The following CCDC50 variants were observed in gnomAD, a reference collection of about 807,000 sequenced individuals.
CCDC50 encodes the protein coiled-coil domain containing 50.
CCDC50 carries 54 observed loss-of-function variants against 70.2 expected under a neutral mutation model. The ratio of observed to expected loss-of-function variants is 0.77; its 90% CI spans 0.62 to 0.96. CCDC50 has a LOEUF of 0.96. CCDC50 is among the 50% of genes least tolerant of loss of function. The probability of loss-of-function intolerance (pLI) is 0.00; values close to 1 mark genes in which losing one functional copy is unlikely to be tolerated. For missense variants in CCDC50, 558 were observed against 578.7 expected (o/e 0.96, Z 0.37); for synonymous variants, 216 against 198.8 (o/e 1.09, Z -0.73).
At chr3:191,366,821 C>A (rs965065304) in intron 4 of CCDC50, among the ~76,000 whole-genome samples, 2 of 151,870 alleles carry the variant, frequency 1.3e-5, no homozygotes, top group Non-Finnish European at 2.9e-5. Flanking sequence ...AAGTGCTGTT[C>A]TAGACTTATC....
chr3:191,358,210 T>G (rs985745562), intron 3 of CCDC50, 86 bp downstream of exon 3: 1 of 1,503,108 alleles, frequency 6.7e-7, no homozygotes, highest in African/African-American at 1.4e-5. Flanking sequence ...AGGAGACTAC[T>G]TCTGTTCCTC....
Position 191,329,688 on chromosome 3 carries a change from G to T in CCDC50, c.14G>T (p.Ser5Ile). 6.2e-7 allele frequency: 1 copy of T among 1,610,436 alleles called. No individual in the cohort carries two copies. The change falls in exon 1 of 12, where the codon AGC (serine) becomes ATC (isoleucine). Residue 5 changes from serine (S) to isoleucine (I), a missense_variant. Ser to Ile is a moderately radical substitution (Grantham distance 142). Transcript: ENST00000392455. ...CCCTGGCCCGGTATGGCTGAAGTCAGCATCGACCAGTCCAAGCTGCCTGGA... is the reference window on the plus strand; with the variant it reads ...CCCTGGCCCGGTATGGCTGAAGTCATCATCGACCAGTCCAAGCTGCCTGGA... MAEV[S>I]IDQSKLPGVK...
chr3:191,355,210 CTT>C (rs1712237893), intron 1 of CCDC50, among the ~76,000 whole-genome samples: 1 of 152,202 alleles, frequency 6.6e-6, no homozygotes, highest in Admixed American at 6.5e-5. Flanking sequence ...TTAAGACTGA[CTT>C]TTAATATATA....
chr3:191,376,482 C>T (rs189503084), intron 6 of CCDC50, among the ~76,000 whole-genome samples: 3 of 152,216 alleles, frequency 2.0e-5, no homozygotes, highest in African/African-American at 4.8e-5. Flanking sequence ...TTCCATGTGT[C>T]TGTAACACTA....
rs942928479 is a variant in CCDC50, at chr3:191,398,534, C to G, written c.*6774C>G. 6.6e-6 allele frequency: 1 copy of G among 152,082 alleles called. No individual in the cohort carries two copies. The highest frequency in any genetic ancestry group is 1.5e-5 in the Non-Finnish European group (1 of 68,014). The allele number at this position is 152,082 out of a possible 1,614,324, so 9.4% of individuals were successfully genotyped here. ...AATTATTATTATTTACAAAATGACC[C>G]TAATAGGTCTGTTTAGTAACAGTGA... On this transcript the variant is annotated 3_prime_UTR_variant, in exon 12 of 12. Transcript: ENST00000392455.
At chr3:191,340,586 C>G (rs560489859) in intron 1 of CCDC50, among the ~76,000 whole-genome samples, 1 of 152,318 alleles carries the variant, frequency 6.6e-6, no homozygotes, top group Admixed American at 6.5e-5. Context: ...TCTCAGTAAA[C>G]TATAATTACA....
intron 10 of CCDC50, among the ~76,000 whole-genome samples, chr3:191,386,843 TAG>T (rs1047389003): frequency 3.9e-5 from 6 of 152,182 alleles, no homozygotes; most frequent in Admixed American, 1.3e-4. Context: ...TTTAAGGAAA[TAG>T]AGGATCACTT....
chr3:191,384,256 G>C (rs1713415075), intron 10 of CCDC50, among the ~76,000 whole-genome samples: 1 of 152,088 alleles, frequency 6.6e-6, no homozygotes, highest in Admixed American at 6.6e-5. Context: ...AGGAACATTT[G>C]TCTTTAAATG....
chr3:191,340,005 G>T (rs1316966960), intron 1 of CCDC50, among the ~76,000 whole-genome samples: 1 of 152,186 alleles, frequency 6.6e-6, no homozygotes, highest in Non-Finnish European at 1.5e-5. Flanking sequence ...AATTACCCTA[G>T]ATGAATAGGC....
rs570326557 is a variant in CCDC50, at chr3:191,364,559, A to T, written c.330+3400A>T. 6.6e-4 allele frequency among the ~76,000 whole-genome samples: 100 copies of T among 151,454 alleles called. 1 individual carries two copies. The highest frequency in any genetic ancestry group is 3.1e-4 in the Non-Finnish European group (21 of 67,920). Reference sequence around the variant, plus strand: ...ACCCCATAAAATACCAGATATAGAGACTGAGAACCCTTTTCTCTTGGAACA... The same window carrying T: ...ACCCCATAAAATACCAGATATAGAGTCTGAGAACCCTTTTCTCTTGGAACA... On this transcript the variant is annotated intron_variant, in intron 4 of 11. Coordinates refer to ENST00000392455, the MANE Select transcript of CCDC50 (RefSeq NM_178335.3).
rs1338105765 is a variant in CCDC50 at position 191,375,078 on chromosome 3, G to A, written c.465G>A (p.Arg155=). Residue 155 remains arginine, a synonymous_variant, in exon 6 of 12, where the codon AGG becomes AGA. Coordinates refer to ENST00000392455, the MANE Select transcript of CCDC50 (RefSeq NM_178335.3). ...TCCACTCAGACCAACCAGGGTCAAG[G>A]AGGGCCAGGGAATTGGGTTCTGGAT... The part of the protein sequence containing the change: ...YYEDGDQPGS[R]RARELGSGFS... 1 of 1,613,316 alleles carries A rather than the reference G, an allele frequency of 6.2e-7. No homozygotes were observed. Among genetic ancestry groups the A allele is most frequent in the Non-Finnish European group, 8.5e-7 (1 of 1,179,660 alleles).
intron 10 of CCDC50, among the ~76,000 whole-genome samples, chr3:191,386,385 C>T (rs1348748609): frequency 6.6e-6 from 1 of 152,030 alleles, no homozygotes; most frequent in African/African-American, 2.4e-5. Flanking sequence ...CCACCACGCC[C>T]AGCTAATTTT....
chr3:191,331,773 C>T (rs1717994824), intron 1 of CCDC50, among the ~76,000 whole-genome samples: 2 of 152,116 alleles, frequency 1.3e-5, no homozygotes, highest in African/African-American at 4.8e-5. Context: ...TTAATTATGG[C>T]CCAGTTACTC....
At chr3:191,351,032 T>C (rs1227882593) in intron 1 of CCDC50, among the ~76,000 whole-genome samples, 1 of 140,930 alleles carries the variant, frequency 7.1e-6, no homozygotes, top group Admixed American at 7.3e-5. Context: ...GGGGCACTTC[T>C]CTTTGTCCCT....
At chr3:191,348,811 A>G (rs1037305343) in intron 1 of CCDC50, among the ~76,000 whole-genome samples, 2 of 142,728 alleles carry the variant, frequency 1.4e-5, no homozygotes, top group African/African-American at 5.0e-5. Flanking sequence ...GTTAATTTCA[A>G]TGGCATGAAA....
chr3:191,369,034 C>T (rs942082149), intron 4 of CCDC50, among the ~76,000 whole-genome samples: 1 of 152,142 alleles, frequency 6.6e-6, no homozygotes, highest in Non-Finnish European at 1.5e-5. Context: ...GACTGTTTTT[C>T]TAGCCTCAGC....
intron 6 of CCDC50, among the ~76,000 whole-genome samples, chr3:191,377,089 G>A (rs1349159202): frequency 3.3e-5 from 5 of 152,128 alleles, no homozygotes; most frequent in African/African-American, 1.2e-4. Context: ...ACAAGGGATT[G>A]AAAAACAATG....
intron 6 of CCDC50, among the ~76,000 whole-genome samples, chr3:191,379,595 C>A (rs968334514): frequency 1.3e-5 from 2 of 152,038 alleles, no homozygotes; most frequent in Non-Finnish European, 2.9e-5. Flanking sequence ...TGGGGAAGTT[C>A]TAAAGCGAGT....
rs1314112115 is a variant in CCDC50 at position 191,393,362 on chromosome 3, T to C, written c.*1602T>C. 2 of 152,190 alleles carry C rather than the reference T, an allele frequency of 1.3e-5. No homozygotes were observed. The highest frequency in any genetic ancestry group is 2.1e-4 in the South Asian group (1 of 4,824). The allele number at this position is 152,190 out of a possible 1,614,324, so 9.4% of individuals were successfully genotyped here. On this transcript the variant is annotated 3_prime_UTR_variant, in exon 12 of 12. Transcript: ENST00000392455. Reference sequence around the variant, plus strand: ...TTTAGGGAAAAAATATGTAGGTCACTAGAGAAAAATGTTAATTTTTTTCCC... The same window carrying C: ...TTTAGGGAAAAAATATGTAGGTCACCAGAGAAAAATGTTAATTTTTTTCCC...
Sources: allele counts gnomAD v4.1 joint callset (sites outside exome capture counted in the v4.1 genomes callset), GRCh38; gene constraint gnomAD v4.1.1; transcripts MANE v1.5; gene names NCBI Gene and HGNC (gene_info 2026-07-23, HGNC 2026-07-21).